ZNF223: variants seen among roughly 807,000 people sequenced by gnomAD.
The protein encoded by ZNF223 is zinc finger protein 223.
A neutral mutation model predicts 12.3 loss-of-function variants in ZNF223; 9 were observed. The observed-to-expected ratio is 0.73, with a 90% CI of 0.44 to 1.28. The LOEUF is 1.28. ZNF223 is among the 50% of genes most tolerant of loss of function. The pLI is 0.00. For missense variants in ZNF223, 506 were observed against 579.0 expected (o/e 0.87, Z 1.29); for synonymous variants, 171 against 195.2 (o/e 0.88, Z 1.03).
At position 44,066,444 on chromosome 19, in the gene ZNF223, T is replaced by C. The variant is rs1976914337; in HGVS notation, c.616T>C (p.Cys206Arg). The change falls in exon 5 of 5, where the codon TGT (cysteine) becomes CGT (arginine). Residue 206 changes from cysteine to arginine, a missense_variant. Coordinates refer to ENST00000434772, the MANE Select transcript of ZNF223 (RefSeq NM_013361.6). Reference protein sequence around the residue: ...RVHLGEKLFKCDVCGKEFSQS... With the variant: ...RVHLGEKLFKRDVCGKEFSQS... ...CCACCTGGGAGAGAAACTCTTTAAG[T>C]GTGACGTGTGTGGTAAGGAATTCAG... 6.2e-7 allele frequency: 1 copy of C among 1,614,186 alleles called. No homozygotes were observed. The highest frequency in any genetic ancestry group is 2.2e-5 in the East Asian group (1 of 44,876).
chr19:44,058,244 C>T (rs185590819), intron 2 of ZNF223, among the ~76,000 whole-genome samples: 3 of 151,594 alleles, frequency 2.0e-5, no homozygotes, highest in Non-Finnish European at 2.9e-5. Context: ...GGGTCTGCAC[C>T]CCAACTGTCC....
At position 44,066,965 on chromosome 19, in the gene ZNF223, G is replaced by A. The variant is rs1337914808; in HGVS notation, c.1137G>A (p.Lys379=). ...CATACAAATGTGACAAGTGTGGGAA[G>A]AGCTACATTACTAAGTCAGGTCTTG... is the stretch of plus-strand genomic sequence containing the variant. ...EKPYKCDKCG[K]SYITKSGLDL... is the part of the protein sequence containing the mutation. Residue 379 remains lysine, a synonymous_variant, in exon 5 of 5, where the codon AAG becomes AAA. Transcript: ENST00000434772. The A allele has an allele frequency of 6.2e-7, 1 of 1,613,108 alleles. No homozygotes were observed. Among genetic ancestry groups the A allele is most frequent in the Non-Finnish European group, 8.5e-7 (1 of 1,179,248 alleles).
In ZNF223 at chr19:44,067,733, A is replaced by G. The variant is rs1346452227; in HGVS notation, c.*456A>G. On this transcript the variant is annotated 3_prime_UTR_variant, in exon 5 of 5. Transcript: ENST00000434772. ...TCTAACAGAAGTTTGACAATTAGTT[A>G]TTATTCAGGAGACAGGTCTTAGTAT... 5 of 287,190 alleles carry G rather than the reference A, an allele frequency of 1.7e-5. No individual in the cohort carries two copies. Among genetic ancestry groups the G allele is most frequent in the Non-Finnish European group, 3.4e-5 (5 of 145,650 alleles). 17.8% of individuals were successfully genotyped at this position (287,190 alleles called of 1,614,324 possible).
At chr19:44,058,481 A>G (rs1194522371) in intron 2 of ZNF223, among the ~76,000 whole-genome samples, 1 of 152,230 alleles carries the variant, frequency 6.6e-6, no homozygotes, top group Non-Finnish European at 1.5e-5. Flanking sequence ...AATCCTGCCC[A>G]GGTCCCAGTT....
In ZNF223 at chr19:44,060,323, A is replaced by G. The variant is rs563007927; in HGVS notation, c.16-132A>G. On this transcript the variant is annotated intron_variant, in intron 2 of 4. Transcript: ENST00000434772. ...AGGACACAGACTAGAATGAATGGGA[A>G]TTCTATAAGTTGACCTACATCTCTG... The G allele has an allele frequency of 2.1e-4, 301 of 1,409,684 alleles. 1 individual carries two copies. The African/African-American group carries it at 3.7e-3, about 17-fold the overall frequency. The allele number at this position is 1,409,684 out of a possible 1,614,324, so 87.3% of individuals were successfully genotyped here. A position where few individuals can be genotyped will look rare whatever the true frequency, so the allele number is the denominator to read the frequency against.
intron 1 of ZNF223, among the ~76,000 whole-genome samples, chr19:44,053,181 TAA>T (rs1272792233): frequency 2.6e-5 from 4 of 151,966 alleles, no homozygotes. Context: ...AGAAAAGAAA[TAA>T]GACACAGACA....
At chr19:44,064,732 A>T (rs1339042539) in intron 4 of ZNF223, among the ~76,000 whole-genome samples, 2 of 152,152 alleles carry the variant, frequency 1.3e-5, no homozygotes, top group African/African-American at 4.8e-5. Flanking sequence ...GATTTTTACA[A>T]GCAAAAGATG....
In ZNF223 at chr19:44,066,506, T is replaced by C. The variant is rs753496202; in HGVS notation, c.678T>C (p.His226=). ...SLHLQTHQRV[H]TGEKPFKCEQ... ...ATCTGCAAACTCATCAGAGAGTCCA[T>C]ACTGGAGAGAAACCTTTCAAATGTG... The change falls in exon 5 of 5, where the codon CAT becomes CAC. Residue 226 remains histidine, a synonymous_variant. Coordinates refer to ENST00000434772, the MANE Select transcript of ZNF223 (RefSeq NM_013361.6). 1 of 1,614,178 alleles carries C rather than the reference T, an allele frequency of 6.2e-7. No homozygotes were observed.
intron 2 of ZNF223, among the ~76,000 whole-genome samples, chr19:44,056,759 C>G (rs1352511864): frequency 1.3e-5 from 2 of 151,462 alleles, no homozygotes; most frequent in Admixed American, 6.6e-5. Context: ...ACACACCCGG[C>G]TAATTTTTTT....
rs117758514 is a variant in ZNF223 at position 44,058,861 on chromosome 19, C to T, written c.16-1594C>T. Among the ~76,000 whole-genome samples the T allele has an allele frequency of 1.3e-4, 20 of 152,342 alleles. No homozygotes were observed. In the East Asian group the frequency reaches 3.7e-3, roughly 28 times the overall value. On this transcript the variant is annotated intron_variant, in intron 2 of 4. Coordinates refer to ENST00000434772, the MANE Select transcript of ZNF223 (RefSeq NM_013361.6). Reference sequence around the variant, plus strand: ...AGCTAGCTGCACCTCCAGGCAGGTCCCCAGTCAGCCTGGGGCACAGCTTTA... The same window carrying T: ...AGCTAGCTGCACCTCCAGGCAGGTCTCCAGTCAGCCTGGGGCACAGCTTTA...
At position 44,055,200 on chromosome 19, in the gene ZNF223, G is replaced by T; in HGVS notation, c.15+9G>T. On this transcript the variant is annotated intron_variant, in intron 2 of 4. Coordinates refer to ENST00000434772, the MANE Select transcript of ZNF223 (RefSeq NM_013361.6). ...AAATGACCATGTCCAAGGTAAGTAG[G>T]ACTTGCCTCTCTTACTGTTAAAATT... 6.2e-7 allele frequency: 1 copy of T among 1,612,756 alleles called. No individual in the cohort carries two copies. Among genetic ancestry groups the T allele is most frequent in the Non-Finnish European group, 8.5e-7 (1 of 1,179,520 alleles).
Position 44,063,796 on chromosome 19 carries a change from T to G in ZNF223, c.236-2268T>G, listed in dbSNP as rs186352025. Among the ~76,000 whole-genome samples, 6 of 152,242 alleles carry G rather than the reference T, an allele frequency of 3.9e-5. No homozygotes were observed. The East Asian group carries it at 1.2e-3, about 29-fold the overall frequency. The stretch of plus-strand genomic sequence containing the variant: ...TTGCTCTGCCAGCTGAAATCTTTTA[T>G]GGTCACAGGATAGTGGCAGGCAGGC... On this transcript the variant is annotated intron_variant, in intron 4 of 4. Transcript: ENST00000434772.
chr19:44,054,613 T>G (rs879381516), intron 1 of ZNF223, among the ~76,000 whole-genome samples: 18 of 152,140 alleles, frequency 1.2e-4, no homozygotes, highest in Non-Finnish European at 2.6e-4. Flanking sequence ...TTCAGTGGTC[T>G]TTAGGAACTT....
At chr19:44,062,925 G>A (rs1263078827) in intron 4 of ZNF223, among the ~76,000 whole-genome samples, 1 of 152,100 alleles carries the variant, frequency 6.6e-6, no homozygotes, top group Non-Finnish European at 1.5e-5. Flanking sequence ...TCTGTTTCTG[G>A]TCATCTTTCT....
intron 4 of ZNF223, among the ~76,000 whole-genome samples, chr19:44,064,027 T>C (rs1599871060): frequency 6.6e-6 from 1 of 152,174 alleles, no homozygotes; most frequent in Admixed American, 6.5e-5. Flanking sequence ...TGACAAAGTT[T>C]TGAACATTTT....
chr19:44,056,361 C>CAAAA (rs1227362311), intron 2 of ZNF223, among the ~76,000 whole-genome samples: 8 of 78,848 alleles, frequency 1.0e-4, no homozygotes, highest in South Asian at 6.1e-4. Context: ...ACTAAAAATA[C>CAAAA]AAAAAAAAAA....
At chr19:44,052,810 T>C (rs1976719298) in intron 1 of ZNF223, among the ~76,000 whole-genome samples, 1 of 151,970 alleles carries the variant, frequency 6.6e-6, no homozygotes, top group Admixed American at 6.6e-5. Context: ...GGTTATAGGG[T>C]TTCACATAAC....
At chr19:44,059,070 A>G (rs1184859045) in intron 2 of ZNF223, among the ~76,000 whole-genome samples, 1 of 152,156 alleles carries the variant, frequency 6.6e-6, no homozygotes, top group East Asian at 1.9e-4. Flanking sequence ...CACAGCACCC[A>G]TTCCCTTGTT....
rs768634700 is a variant in ZNF223 at position 44,066,729 on chromosome 19, T to C, written c.901T>C (p.Ser301Pro). The C allele has an allele frequency of 1.2e-6, 2 of 1,614,086 alleles. No individual in the cohort carries two copies. Among genetic ancestry groups the C allele is most frequent in the Non-Finnish European group, 8.5e-7 (1 of 1,180,034 alleles). ...EICSVSFRLR[S>P]SLNRHCVVHT... is the part of the protein sequence containing the mutation. ...ATGTAGTGTGAGCTTCCGTCTTAGG[T>C]CAAGTCTTAATAGGCATTGTGTGGT... Residue 301 changes from serine to proline, a missense_variant, in exon 5 of 5, where the codon TCA becomes CCA. Transcript: ENST00000434772.
Sources: allele counts gnomAD v4.1 joint callset (sites outside exome capture counted in the v4.1 genomes callset), GRCh38; gene constraint gnomAD v4.1.1; transcripts MANE v1.5; gene names NCBI Gene and HGNC (gene_info 2026-07-23, HGNC 2026-07-21).